Variants in KCNS1 observed in about 807,000 individuals in gnomAD.
KCNS1 encodes the protein potassium voltage-gated channel modifier subfamily S member 1.
In KCNS1, 26 loss-of-function variants were observed where a neutral mutation model predicts 33.1. The observed-to-expected ratio is 0.79, with a 90% confidence interval of 0.58 to 1.09. The LOEUF (loss-of-function observed/expected upper bound fraction) is 1.09. KCNS1 is among the 50% of genes least tolerant of loss of function. The pLI is 0.00. For missense variants in KCNS1, 702 were observed against 752.4 expected (o/e 0.93, Z 0.78); for synonymous variants, 299 against 338.8 (o/e 0.88, Z 1.29).
rs1027278400 is a variant in KCNS1 at position 45,094,431 on chromosome 20, G to A, written c.*439C>T. The A allele has an allele frequency of 6.2e-6, 1 of 161,404 alleles. No individual in the cohort carries two copies. Among genetic ancestry groups the A allele is most frequent in the African/African-American group, 2.4e-5 (1 of 41,600 alleles). The allele number at this position is 161,404 out of a possible 1,614,324, so 10.0% of individuals were successfully genotyped here. ...AGCATTGCTCCAGGCACACCAACAA[G>A]CCCAGATTCCAAACCTGACTCTGCC... On this transcript the variant is annotated 3_prime_UTR_variant, in exon 4 of 4. Transcript: ENST00000537075.
Position 45,097,719 on chromosome 20 carries a change from G to A in KCNS1, c.1053C>T (p.Arg351=), listed in dbSNP as rs372400248. The A allele has an allele frequency of 8.6e-5, 138 of 1,611,636 alleles. No individual in the cohort carries two copies. The highest frequency in any genetic ancestry group is 1.1e-4 in the Non-Finnish European group (133 of 1,179,950). ...VQVFRLMRIF[R]VLKLARHSTG... ...TGGAATGGCGCGCCAACTTGAGTAC[G>A]CGGAAGATGCGCATGAGGCGGAACA... is the stretch of plus-strand genomic sequence containing the variant. Residue 351 remains arginine, a synonymous_variant, in exon 3 of 4, where the codon CGC becomes CGT. Coordinates refer to ENST00000537075, the MANE Select transcript of KCNS1 (RefSeq NM_001322799.2).
rs1400061070 is a variant in KCNS1, at chr20:45,095,111, A to G, written c.1340T>C (p.Leu447Pro). 5.0e-6 allele frequency: 8 copies of G among 1,613,942 alleles called. No homozygotes were observed. Among genetic ancestry groups the G allele is most frequent in the Non-Finnish European group, 6.8e-6 (8 of 1,179,914 alleles). Reference sequence around the variant, plus strand: ...GATGGTGATGGGGAGTGCTACCACCAGGATGCCCCCTAGGATGCAGCCTGA... The same window carrying G: ...GATGGTGATGGGGAGTGCTACCACCGGGATGCCCCCTAGGATGCAGCCTGA... ...AASGCILGGILVVALPITIIF... is the reference protein window; with the variant it reads ...AASGCILGGIPVVALPITIIF... Residue 447 changes from leucine to proline, a missense_variant, in exon 4 of 4, where the codon CTG becomes CCG. Leu to Pro is a moderately conservative substitution (Grantham distance 98). Transcript: ENST00000537075.
rs770087624 is a variant in KCNS1, at chr20:45,098,479, G to A, written c.293C>T (p.Ala98Val). ...CCGGTCGAAGTAGAATTCGCGCGCC[G>A]CCTCGTCGTAGTCGTCGCACAGGCG... ...ARRLCDDYDEAAREFYFDRHP... is the reference protein window; with the variant it reads ...ARRLCDDYDEVAREFYFDRHP... The change falls in exon 3 of 4, where the codon GCG becomes GTG. Residue 98 changes from alanine to valine, a missense_variant. This residue lies in a region of KCNS1 where 374 missense variants were observed against 352.3 expected (regional missense o/e 1.06). Transcript: ENST00000537075. This position sits in a 1 kb window ranked among gnomAD's most constrained non-coding sequence, Gnocchi z 5.2. 4 of 1,563,414 alleles carry A rather than the reference G, an allele frequency of 2.6e-6. No individual in the cohort carries two copies. The highest frequency in any genetic ancestry group is 3.5e-6 in the Non-Finnish European group (4 of 1,155,316).
rs557483239 is a variant in KCNS1, at chr20:45,092,597, G to A, written c.*2273C>T. On this transcript the variant is annotated 3_prime_UTR_variant, in exon 4 of 4. Coordinates refer to ENST00000537075, the MANE Select transcript of KCNS1 (RefSeq NM_001322799.2). ...TGGGCCTAGATGTAAGGAGCAGAGTGTGCAGAAGGGCTGGTATGTGTGTGG... is the reference window on the plus strand; with the variant it reads ...TGGGCCTAGATGTAAGGAGCAGAGTATGCAGAAGGGCTGGTATGTGTGTGG... 2 of 152,332 alleles carry A rather than the reference G, an allele frequency of 1.3e-5. No individual in the cohort carries two copies. Among genetic ancestry groups the A allele is most frequent in the South Asian group, 2.1e-4 (1 of 4,828 alleles). The allele number at this position is 152,332 out of a possible 1,614,324, so 9.4% of individuals were successfully genotyped here.
chr20:45,098,282 G>A lies in KCNS1; in HGVS notation c.490C>T (p.Pro164Ser). ...TCGCTGTCCTCGTCCCAGGCGTGCGGCTGGGTCAGCCGCCTCTCCAGGTAG... is the reference window on the plus strand; with the variant it reads ...TCGCTGTCCTCGTCCCAGGCGTGCGACTGGGTCAGCCGCCTCTCCAGGTAG... ...ARYLERRLTQ[P>S]HAWDEDSDTP... The change falls in exon 3 of 4, where the codon CCG becomes TCG. Residue 164 changes from proline (P) to serine (S), a missense_variant. By Grantham distance (74) the Pro-to-Ser change is moderately conservative. Around this residue, in one of 3 missense-constraint regions of KCNS1, gnomAD observed 374 missense variants for 352.3 expected, o/e 1.06. Coordinates refer to ENST00000537075, the MANE Select transcript of KCNS1 (RefSeq NM_001322799.2). The surrounding 1 kb of genome is among the most constrained non-coding windows in gnomAD (Gnocchi z 5.2). 2 of 1,583,498 alleles carry A rather than the reference G, an allele frequency of 1.3e-6. No individual in the cohort carries two copies. Among genetic ancestry groups the A allele is most frequent in the Non-Finnish European group, 8.6e-7 (1 of 1,167,526 alleles).
chr20:45,092,743 C>G lies in KCNS1; in HGVS notation c.*2127G>C, dbSNP rs2145509091. On this transcript the variant is annotated 3_prime_UTR_variant, in exon 4 of 4. Transcript: ENST00000537075. ...AGGCCCTGTGTATGACACACACCTT[C>G]ACACATGCCATTCTCTCTGCTTGGA... 6.6e-6 allele frequency: 1 copy of G among 152,088 alleles called. No homozygotes were observed. The highest frequency in any genetic ancestry group is 2.1e-4 in the South Asian group (1 of 4,786). The allele number at this position is 152,088 out of a possible 1,614,324, so 9.4% of individuals were successfully genotyped here. A position where few individuals can be genotyped will look rare whatever the true frequency, so the allele number is the denominator to read the frequency against.
chr20:45,094,620 C>T lies in KCNS1; in HGVS notation c.*250G>A, dbSNP rs1018459380. 4 of 479,634 alleles carry T rather than the reference C, an allele frequency of 8.3e-6. No individual in the cohort carries two copies. The highest frequency in any genetic ancestry group is 1.5e-5 in the Non-Finnish European group (4 of 268,522). 29.7% of individuals were successfully genotyped at this position (479,634 alleles called of 1,614,324 possible). A position where few individuals can be genotyped will look rare whatever the true frequency, so the allele number is the denominator to read the frequency against. ...CATTAGTATCCTTTCAACTTCCTCC[C>T]TCTGGCTCATGCCTGCTTCATGAAT... On this transcript the variant is annotated 3_prime_UTR_variant, in exon 4 of 4. Transcript: ENST00000537075.
intron 3 of KCNS1, among the ~76,000 whole-genome samples, chr20:45,097,084 C>T (rs565038779): frequency 4.1e-4 from 63 of 152,382 alleles, no homozygotes; most frequent in African/African-American, 1.5e-3. Flanking sequence ...AGAGCCAACC[C>T]TTCAACCTCA....
rs1981035686 is a variant in KCNS1 at position 45,092,698 on chromosome 20, T to C, written c.*2172A>G. On this transcript the variant is annotated 3_prime_UTR_variant, in exon 4 of 4. Transcript: ENST00000537075. ...TGGAGACCCAGAATCCATGCGTATG[T>C]AGGGGGCCCACTATGTACTAGGCCC... 1 of 152,040 alleles carries C rather than the reference T, an allele frequency of 6.6e-6. No homozygotes were observed. Among genetic ancestry groups the C allele is most frequent in the Non-Finnish European group, 1.5e-5 (1 of 68,014 alleles). The allele number at this position is 152,040 out of a possible 1,614,324, so 9.4% of individuals were successfully genotyped here. A position where few individuals can be genotyped will look rare whatever the true frequency, so the allele number is the denominator to read the frequency against.
At position 45,093,881 on chromosome 20, in the gene KCNS1, A is replaced by C. The variant is rs1981084158; in HGVS notation, c.*989T>G. On this transcript the variant is annotated 3_prime_UTR_variant, in exon 4 of 4. Transcript: ENST00000537075. ...TATGTCAGCCCTCTGAACATTTCAG[A>C]GCTGAGCTGGCTTTAAGTTAGAGAC... 6.6e-6 allele frequency: 1 copy of C among 152,138 alleles called. No homozygotes were observed. The highest frequency in any genetic ancestry group is 2.4e-5 in the African/African-American group (1 of 41,412). The allele number at this position is 152,138 out of a possible 1,614,324, so 9.4% of individuals were successfully genotyped here.
Position 45,098,723 on chromosome 20 carries a change from G to A in KCNS1, c.77-28C>T. 2 of 1,361,530 alleles carry A rather than the reference G, an allele frequency of 1.5e-6. No homozygotes were observed. The highest frequency in any genetic ancestry group is 1.9e-6 in the Non-Finnish European group (2 of 1,057,442). The allele number at this position is 1,361,530 out of a possible 1,614,324, so 84.3% of individuals were successfully genotyped here. ...GCGGACACCAGAAGGGCGCGCTGAG[G>A]AGTTCCCGGGCTTCCCTTCCTGGAA... On this transcript the variant is annotated intron_variant, in intron 2 of 3. Transcript: ENST00000537075. This position sits in a 1 kb window ranked among gnomAD's most constrained non-coding sequence, Gnocchi z 5.2.
rs888226510 is a variant in KCNS1, at chr20:45,091,359, C to A, written c.*3511G>T. ...ATCAGACTCTCTCCTGGGATTGGAA[C>A]TGTGAGCAGGATGATACAGGGAAGG... On this transcript the variant is annotated 3_prime_UTR_variant, in exon 4 of 4. Coordinates refer to ENST00000537075, the MANE Select transcript of KCNS1 (RefSeq NM_001322799.2). Among the ~76,000 whole-genome samples the A allele has an allele frequency of 2.6e-5, 4 of 152,166 alleles. No homozygotes were observed. The South Asian group carries it at 8.3e-4, about 32-fold the overall frequency.
At chr20:45,097,630 C>A in intron 3 of KCNS1, 32 bp downstream of exon 3, 1 of 1,573,134 alleles carries the variant, frequency 6.4e-7, no homozygotes, top group Non-Finnish European at 8.6e-7. Flanking sequence ...CACCCGCCCA[C>A]CCCAGCTCCA....
In KCNS1 at chr20:45,099,910, T is replaced by C. The variant is rs559696848; in HGVS notation, c.-3-671A>G. ...AGTAATGCCTAGACTAGGGATTAAG[T>C]GTGTGTAAAGCACCTGGGCTTGGCA... On this transcript the variant is annotated intron_variant, in intron 1 of 3. Coordinates refer to ENST00000537075, the MANE Select transcript of KCNS1 (RefSeq NM_001322799.2). 3.5e-3 allele frequency among the ~76,000 whole-genome samples: 507 copies of C among 143,844 alleles called. 6 individuals are homozygous for C. Among genetic ancestry groups the C allele is most frequent in the African/African-American group, 0.014 (489 of 33,762 alleles). The allele number at this position is 143,844 out of a possible 152,430, so 94.4% of individuals were successfully genotyped here.
chr20:45,099,051 T>C, intron 2 of KCNS1, 110 bp downstream of exon 2: 1 of 1,288,326 alleles, frequency 7.8e-7, no homozygotes, highest in Non-Finnish European at 1.1e-6. Flanking sequence ...GGATGTCTCC[T>C]TTTCCAGGAC....
Position 45,098,763 on chromosome 20 carries a change from C to T in KCNS1, c.77-68G>A. 1 of 1,268,814 alleles carries T rather than the reference C, an allele frequency of 7.9e-7. No individual in the cohort carries two copies. The highest frequency in any genetic ancestry group is 1.0e-6 in the Non-Finnish European group (1 of 999,570). The allele number at this position is 1,268,814 out of a possible 1,614,324, so 78.6% of individuals were successfully genotyped here. A position where few individuals can be genotyped will look rare whatever the true frequency, so the allele number is the denominator to read the frequency against. On this transcript the variant is annotated intron_variant, in intron 2 of 3. Coordinates refer to ENST00000537075, the MANE Select transcript of KCNS1 (RefSeq NM_001322799.2). This position sits in a 1 kb window ranked among gnomAD's most constrained non-coding sequence, Gnocchi z 5.2. ...CCTTCCTGGAAGACCAGGTTAAAAT[C>T]CCCTCCTCCATCCAACCAGCCAAGG... is the stretch of plus-strand genomic sequence containing the variant.
At chr20:45,097,602 T>C in intron 3 of KCNS1, 60 bp downstream of exon 3, 2 of 1,492,966 alleles carry the variant, frequency 1.3e-6, no homozygotes, top group East Asian at 2.4e-5. Flanking sequence ...GTTCACCTGC[T>C]AACCTGCCGG....
At chr20:45,099,260 C>G (rs1356579200) in intron 1 of KCNS1, 21 bp from the exon 2 acceptor site, 1 of 1,272,862 alleles carries the variant, frequency 7.9e-7, no homozygotes, top group East Asian at 2.5e-5. Flanking sequence ...GTCAAAGATG[C>G]AAATTCTCAG....
In KCNS1 at chr20:45,097,713, G is replaced by C. The variant is rs779459871; in HGVS notation, c.1059C>G (p.Leu353=). 73 of 1,611,244 alleles carry C rather than the reference G, an allele frequency of 4.5e-5. No homozygotes were observed. Among genetic ancestry groups the C allele is most frequent in the Non-Finnish European group, 6.1e-5 (72 of 1,179,934 alleles). ...GCCCGGTGGAATGGCGCGCCAACTTGAGTACGCGGAAGATGCGCATGAGGC... is the reference window on the plus strand; with the variant it reads ...GCCCGGTGGAATGGCGCGCCAACTTCAGTACGCGGAAGATGCGCATGAGGC... ...VFRLMRIFRV[L]KLARHSTGLR... is the part of the protein sequence containing the mutation. Residue 353 remains leucine, a synonymous_variant, in exon 3 of 4, where the codon CTC becomes CTG. Coordinates refer to ENST00000537075, the MANE Select transcript of KCNS1 (RefSeq NM_001322799.2).
Sources: allele counts gnomAD v4.1 joint callset (sites outside exome capture counted in the v4.1 genomes callset), GRCh38; gene constraint gnomAD v4.1.1; regional missense constraint gnomAD v4.1.1; non-coding constraint Gnocchi (gnomAD v3.1); transcripts MANE v1.5; gene names NCBI Gene and HGNC (gene_info 2026-07-23, HGNC 2026-07-21).